Variants in EPB41L1 observed in about 807,000 individuals in gnomAD.
The protein encoded by EPB41L1 is band 4.1-like protein 1.
In EPB41L1, 29 loss-of-function variants were observed where a neutral mutation model predicts 97.8. The observed-to-expected ratio is 0.30, with a 90% CI of 0.22 to 0.40. The LOEUF (loss-of-function observed/expected upper bound fraction) is 0.40, where lower values mean the gene tolerates loss of function less well. EPB41L1 is among the 10% of genes least tolerant of loss of function. The pLI, the probability that EPB41L1 is intolerant of heterozygous loss-of-function variation, is 1.00. For missense variants in EPB41L1, 812 were observed against 1,162.3 expected (o/e 0.70, Z 4.38); for synonymous variants, 383 against 459.2 (o/e 0.83, Z 2.12).
Position 36,106,917 on chromosome 20 carries a change from C to T in EPB41L1, c.-64-5509C>T, listed in dbSNP as rs1449045744. Reference sequence around the variant, plus strand: ...TCCCAGGCTCAAGCGATTCTCCTTCCTCAGCCTCTGGAATAGTTGGGATTA... The same window carrying T: ...TCCCAGGCTCAAGCGATTCTCCTTCTTCAGCCTCTGGAATAGTTGGGATTA... On this transcript the variant is annotated intron_variant, in intron 1 of 19. Coordinates refer to the EPB41L1 transcript ENST00000202028. Among the ~76,000 whole-genome samples, 5 of 152,112 alleles carry T rather than the reference C, an allele frequency of 3.3e-5. No homozygotes were observed. The East Asian group carries it at 9.7e-4, about 29-fold the overall frequency.
At chr20:36,133,541 C>A (rs1006436376) in intron 2 of EPB41L1, among the ~76,000 whole-genome samples, 1 of 152,174 alleles carries the variant, frequency 6.6e-6, no homozygotes. Flanking sequence ...TGAAAACATA[C>A]CCCAATCATA....
In EPB41L1 at chr20:36,229,684, T is replaced by G. The variant is rs2064400646; in HGVS notation, c.*344T>G. On this transcript the variant is annotated 3_prime_UTR_variant, in exon 22 of 22. Coordinates refer to ENST00000338074, the MANE Select transcript of EPB41L1 (RefSeq NM_012156.2). ...TTATATAATAACTATAATCCCTTGC[T>G]CACCCCTTTCCCCCGCCAAATAAGA... is the stretch of plus-strand genomic sequence containing the variant. The G allele has an allele frequency of 5.2e-6, 1 of 193,640 alleles. No homozygotes were observed. 12.0% of individuals were successfully genotyped at this position (193,640 alleles called of 1,614,324 possible). A position where few individuals can be genotyped will look rare whatever the true frequency, so the allele number is the denominator to read the frequency against.
Position 36,194,192 on chromosome 20 carries a change from G to A in EPB41L1, c.1301-20G>A, listed in dbSNP as rs955051605. 3.7e-6 allele frequency: 6 copies of A among 1,612,722 alleles called. No homozygotes were observed. The African/African-American group carries it at 6.7e-5, about 18-fold the overall frequency. ...GGGAGGGGTCTCACATGGTTGCCTG[G>A]CTATCTCCACCCACTTCAGCAGAGT... On this transcript the variant is annotated intron_variant, in intron 11 of 21. Coordinates refer to ENST00000338074, the MANE Select transcript of EPB41L1 (RefSeq NM_012156.2).
intron 17 of EPB41L1, among the ~76,000 whole-genome samples, chr20:36,215,427 G>C (rs758635727): frequency 2.6e-5 from 4 of 152,194 alleles, no homozygotes; most frequent in Admixed American, 6.5e-5. Context: ...CAGTGCTGGA[G>C]CCAGAGAAGT....
chr20:36,158,314 C>A (rs1460236473), intron 1 of EPB41L1, among the ~76,000 whole-genome samples: 1 of 152,144 alleles, frequency 6.6e-6, no homozygotes, highest in East Asian at 1.9e-4. Flanking sequence ...GGGAGAGATG[C>A]AGACATGACA....
chr20:36,161,354 G>A (rs2060515968), intron 1 of EPB41L1, among the ~76,000 whole-genome samples: 1 of 152,202 alleles, frequency 6.6e-6, no homozygotes, highest in Non-Finnish European at 1.5e-5. Context: ...AGCCATTGCT[G>A]CCACTGAGTG....
At position 36,208,036 on chromosome 20, in the gene EPB41L1, A is replaced by T. The variant is rs559999422; in HGVS notation, c.1669-1452A>T. 2.6e-5 allele frequency among the ~76,000 whole-genome samples: 4 copies of T among 152,322 alleles called. No homozygotes were observed. The South Asian group carries it at 8.3e-4, about 32-fold the overall frequency. On this transcript the variant is annotated intron_variant, in intron 14 of 21. Coordinates refer to ENST00000338074, the MANE Select transcript of EPB41L1 (RefSeq NM_012156.2). The stretch of plus-strand genomic sequence containing the variant: ...GCTTTTGGTGTGACCTGGTGCCCAG[A>T]GGGTCACACAACCCCCATGGAGAAG...
rs2062913070 is a variant in EPB41L1 at position 36,207,827 on chromosome 20, T to TG, written c.1669-1656dup. 1.1e-5 allele frequency: 14 copies of TG among 1,262,640 alleles called. No homozygotes were observed. Among genetic ancestry groups the TG allele is most frequent in the Non-Finnish European group, 1.4e-5 (14 of 974,144 alleles). 78.2% of individuals were successfully genotyped at this position (1,262,640 alleles called of 1,614,324 possible). A position where few individuals can be genotyped will look rare whatever the true frequency, so the allele number is the denominator to read the frequency against. On this transcript the variant is annotated intron_variant, in intron 14 of 21. Coordinates refer to ENST00000338074, the MANE Select transcript of EPB41L1 (RefSeq NM_012156.2). The surrounding 1 kb of genome is among the most constrained non-coding windows in gnomAD (Gnocchi z 4.9). Reference sequence around the variant, plus strand: ...CGCCCCCACCGCTGCTCCCCGCCCATGGGGGCTGGCCGCATGCTCTGTAGT... The same window carrying TG: ...CGCCCCCACCGCTGCTCCCCGCCCATGGGGGGCTGGCCGCATGCTCTGTAGT...
intron 11 of EPB41L1, among the ~76,000 whole-genome samples, chr20:36,193,533 C>T (rs1206726236): frequency 2.0e-5 from 3 of 152,162 alleles, no homozygotes; most frequent in Admixed American, 2.0e-4. Flanking sequence ...GGATTATGCC[C>T]AATGCGTGAT....
intron 15 of EPB41L1, among the ~76,000 whole-genome samples, chr20:36,211,796 G>C (rs1240540885): frequency 6.6e-5 from 10 of 152,184 alleles, no homozygotes; most frequent in Admixed American, 2.6e-4. Context: ...AGAGGTTACA[G>C]TGAGCCGAGA....
chr20:36,209,714 C>G lies in EPB41L1; in HGVS notation c.1895C>G (p.Ala632Gly), dbSNP rs1394230058. The G allele has an allele frequency of 1.9e-6, 3 of 1,614,164 alleles. No individual in the cohort carries two copies. The highest frequency in any genetic ancestry group is 1.7e-6 in the Non-Finnish European group (2 of 1,180,046). Residue 632 changes from alanine to glycine, a missense_variant, in exon 15 of 22, where the codon GCC becomes GGC. Coordinates refer to ENST00000338074, the MANE Select transcript of EPB41L1 (RefSeq NM_012156.2). This position sits in a 1 kb window ranked among gnomAD's most constrained non-coding sequence, Gnocchi z 4.2. ...GTCATTGGTGACTACCATGGCAGCG[C>G]CTTCGAAGACTTCTCCCGCAGCCTG... ...FTVIGDYHGS[A>G]FEDFSRSLPE...
intron 2 of EPB41L1, among the ~76,000 whole-genome samples, 190 bp downstream of exon 2, chr20:36,174,144 C>T (rs962016443): frequency 6.6e-6 from 1 of 152,204 alleles, no homozygotes; most frequent in African/African-American, 2.4e-5. Context: ...ACAGATCTCA[C>T]TCTGTTGCCC....
At chr20:36,173,507 G>C (rs1013148349) in intron 1 of EPB41L1, among the ~76,000 whole-genome samples, 1 of 152,166 alleles carries the variant, frequency 6.6e-6, no homozygotes, top group African/African-American at 2.4e-5. Flanking sequence ...CCCTATGAAA[G>C]GCCCAGAGAT....
chr20:36,205,372 C>CA (rs1480077597), intron 14 of EPB41L1, among the ~76,000 whole-genome samples: 1 of 152,206 alleles, frequency 6.6e-6, no homozygotes, highest in Non-Finnish European at 1.5e-5. Context: ...AGTCACTGTC[C>CA]ATCTCTAGAC....
intron 2 of EPB41L1, among the ~76,000 whole-genome samples, chr20:36,118,143 G>T (rs1427967913): frequency 6.6e-6 from 1 of 152,192 alleles, no homozygotes; most frequent in Non-Finnish European, 1.5e-5. Flanking sequence ...CTAAGAAAAG[G>T]CTTGGACTGG....
chr20:36,189,054 G>A (rs1213918607), intron 9 of EPB41L1, among the ~76,000 whole-genome samples: 1 of 152,080 alleles, frequency 6.6e-6, no homozygotes, highest in Non-Finnish European at 1.5e-5. Context: ...ACACACAAAT[G>A]CAAACATGTA....
chr20:36,183,487 G>A (rs2061553626), intron 6 of EPB41L1, among the ~76,000 whole-genome samples: 1 of 152,152 alleles, frequency 6.6e-6, no homozygotes, highest in African/African-American at 2.4e-5. Flanking sequence ...ATTCCCAAGT[G>A]GACTGTGTAG....
At chr20:36,211,424 A>ACGCCAT (rs2063126842) in intron 15 of EPB41L1, among the ~76,000 whole-genome samples, 1 of 152,122 alleles carries the variant, frequency 6.6e-6, no homozygotes, top group Non-Finnish European at 1.5e-5. Context: ...CTCAGAGGTC[A>ACGCCAT]TAGTCACAGC....
chr20:36,110,107 A>G (rs953208287), intron 1 of EPB41L1, among the ~76,000 whole-genome samples: 1 of 151,596 alleles, frequency 6.6e-6, no homozygotes, highest in African/African-American at 2.4e-5. Flanking sequence ...ATGCCTGGCT[A>G]ATTTTATATT....
Sources: gnomAD v4.1 joint callset for allele counts (sites outside exome capture counted in the v4.1 genomes callset) on GRCh38, gnomAD v4.1.1 for gene constraint, Gnocchi (gnomAD v3.1) non-coding constraint, MANE v1.5 for transcripts, NCBI Gene and HGNC (gene_info 2026-07-23, HGNC 2026-07-21) for gene names.